The following KALRN variants were observed in gnomAD, a reference collection of about 807,000 sequenced individuals.
The protein encoded by KALRN is kalirin.
In KALRN, 70 loss-of-function variants were observed where a neutral mutation model predicts 353.7. The observed-to-expected ratio is 0.20, with a 90% CI of 0.16 to 0.24. The LOEUF (loss-of-function observed/expected upper bound fraction) is 0.24, where lower values mean the gene tolerates loss of function less well. KALRN is among the 10% of genes least tolerant of loss of function. KALRN has a pLI of 1.00. For synonymous variants in KALRN, 1,391 were observed against 1,434.8 expected, an observed-to-expected ratio of 0.97 and a Z score of 0.69; for missense variants, 2,791 against 3,756.7, an observed-to-expected ratio of 0.74 and a Z score of 6.72.
At chr3:124,272,157 G>A (rs1014113236) in intron 5 of KALRN, among the ~76,000 whole-genome samples, 5 of 152,046 alleles carry the variant, frequency 3.3e-5, no homozygotes, top group Middle Eastern at 3.2e-3. Flanking sequence ...TAAATTAAAC[G>A]TTAAAAATAA....
At chr3:124,391,700 A>T (rs1031810885) in intron 11 of KALRN, among the ~76,000 whole-genome samples, 1 of 152,214 alleles carries the variant, frequency 6.6e-6, no homozygotes, top group African/African-American at 2.4e-5. Flanking sequence ...ATTTCTATCT[A>T]CCTTATGGTG....
At chr3:124,494,862 CT>C (rs2063536546) in intron 32 of KALRN, among the ~76,000 whole-genome samples, 1 of 152,180 alleles carries the variant, frequency 6.6e-6, no homozygotes, top group South Asian at 2.1e-4. Context: ...TCCCTGTCCC[CT>C]GATGCCATTA....
chr3:124,328,499 G>A (rs766229460), intron 7 of KALRN, among the ~76,000 whole-genome samples: 14 of 152,192 alleles, frequency 9.2e-5, no homozygotes, highest in Non-Finnish European at 2.1e-4. Context: ...ACACAAGAAT[G>A]TCAAGTTGCT....
Position 124,722,469 on chromosome 3 carries a change from T to C in KALRN, c.*2999T>C, listed in dbSNP as rs2063370087. 1 of 152,152 alleles carries C rather than the reference T, an allele frequency of 6.6e-6. No individual in the cohort carries two copies. Among genetic ancestry groups the C allele is most frequent in the Non-Finnish European group, 1.5e-5 (1 of 68,036 alleles). The allele number at this position is 152,152 out of a possible 1,614,324, so 9.4% of individuals were successfully genotyped here. ...GAGAAAGGGGGTATATTTTATATAG[T>C]TTGATAACGGAGGGAAACTAACAGG... On this transcript the variant is annotated 3_prime_UTR_variant, in exon 60 of 60. Coordinates refer to ENST00000682506, the MANE Select transcript of KALRN (RefSeq NM_001388419.1).
chr3:124,164,287 T>C (rs1017715502), intron 1 of KALRN: 5 of 152,272 alleles, frequency 3.3e-5, no homozygotes, highest in African/African-American at 1.2e-4. Flanking sequence ...CATATTTTCC[T>C]GGCACACCTT....
intron 51 of KALRN, among the ~76,000 whole-genome samples, chr3:124,687,437 A>G (rs1351279413): frequency 6.6e-6 from 1 of 152,114 alleles, no homozygotes. Context: ...GCAACCAACT[A>G]TCTTGTGAGA....
chr3:124,175,165 C>T (rs2072488308), intron 1 of KALRN, among the ~76,000 whole-genome samples: 1 of 152,220 alleles, frequency 6.6e-6, no homozygotes, highest in Non-Finnish European at 1.5e-5. Flanking sequence ...TGCCACGTGC[C>T]CTGTGTTATG....
chr3:124,171,534 C>T (rs1312946960), intron 1 of KALRN, among the ~76,000 whole-genome samples: 1 of 152,158 alleles, frequency 6.6e-6, no homozygotes, highest in Non-Finnish European at 1.5e-5. Flanking sequence ...AGTCACACAG[C>T]ATCTCTTCTG....
At chr3:124,266,789 T>C (rs951169760) in intron 4 of KALRN, among the ~76,000 whole-genome samples, 2 of 152,218 alleles carry the variant, frequency 1.3e-5, no homozygotes, top group Non-Finnish European at 2.9e-5. Flanking sequence ...ATAAAAACAG[T>C]GACCTATTAT....
At chr3:124,068,455 A>G (rs1056288351) in intron 1 of KALRN, among the ~76,000 whole-genome samples, 1 of 152,216 alleles carries the variant, frequency 6.6e-6, no homozygotes, top group African/African-American at 2.4e-5. Flanking sequence ...CTACATTTCA[A>G]GTTCCTGGGA....
rs555114423 is a variant in KALRN at position 124,433,710 on chromosome 3, ACT to A, written c.2830-596_2830-595del. 3.3e-3 allele frequency among the ~76,000 whole-genome samples: 502 copies of A among 152,148 alleles called. 7 individuals are homozygous for A. The highest frequency in any genetic ancestry group is 0.012 in the African/African-American group (482 of 41,510). ...TGTATTGAAGTGAATTATCTCCTGCACTGTTATGCCCCCCAGTGAAGTAATTA... is the reference window on the plus strand; with the variant it reads ...TGTATTGAAGTGAATTATCTCCTGCAGTTATGCCCCCCAGTGAAGTAATTA... On this transcript the variant is annotated intron_variant, in intron 16 of 59. Coordinates refer to ENST00000682506, the MANE Select transcript of KALRN (RefSeq NM_001388419.1).
chr3:124,424,202 C>T lies in KALRN; in HGVS notation c.2709+1224C>T, dbSNP rs77807129. Among the ~76,000 whole-genome samples, 1,507 of 152,252 alleles carry T rather than the reference C, an allele frequency of 9.9e-3. 27 individuals are homozygous for T. The highest frequency in any genetic ancestry group is 0.034 in the African/African-American group (1,420 of 41,538). The stretch of plus-strand genomic sequence containing the variant: ...GTACCACATCACTCCTGTGGTTGCC[C>T]CTTTCTGCCCCACTCTACCCAAATC... On this transcript the variant is annotated intron_variant, in intron 15 of 59. Transcript: ENST00000682506.
At chr3:124,716,940 A>G (rs2063160192) in intron 58 of KALRN, among the ~76,000 whole-genome samples, 1 of 152,220 alleles carries the variant, frequency 6.6e-6, no homozygotes, top group Non-Finnish European at 1.5e-5. Context: ...TTAGCAATCA[A>G]ACCTCTTAAA....
chr3:124,702,174 A>G lies in KALRN; in HGVS notation c.8075+58A>G, dbSNP rs184818396. On this transcript the variant is annotated intron_variant, in intron 57 of 59. Transcript: ENST00000682506. ...GAACACCTAGCAACATCACATCAGA[A>G]CAGTAACTTTTTGTTGTTGTCATTG... 7.9e-5 allele frequency: 84 copies of G among 1,057,704 alleles called. 1 individual carries two copies. The African/African-American group carries it at 1.2e-3, about 15-fold the overall frequency. 65.5% of individuals were successfully genotyped at this position (1,057,704 alleles called of 1,614,324 possible). A position where few individuals can be genotyped will look rare whatever the true frequency, so the allele number is the denominator to read the frequency against.
At chr3:124,271,907 A>C (rs1397444474) in intron 5 of KALRN, among the ~76,000 whole-genome samples, 1 of 152,236 alleles carries the variant, frequency 6.6e-6, no homozygotes, top group African/African-American at 2.4e-5. Context: ...GAAAACAATT[A>C]CTTAAACACG....
At chr3:124,595,527 T>C (rs1410392032) in intron 34 of KALRN, among the ~76,000 whole-genome samples, 4 of 152,182 alleles carry the variant, frequency 2.6e-5, no homozygotes, top group Non-Finnish European at 5.9e-5. Context: ...AATCTCCCTA[T>C]TTTAGGTTAT....
intron 3 of KALRN, among the ~76,000 whole-genome samples, chr3:124,253,501 C>T (rs903055701): frequency 6.6e-6 from 1 of 152,198 alleles, no homozygotes; most frequent in Non-Finnish European, 1.5e-5. Context: ...GATAAGACTC[C>T]TCCCGATCAT....
intron 13 of KALRN, among the ~76,000 whole-genome samples, chr3:124,411,433 C>CTGCTTTTTTTTTT (rs2092141355): frequency 1.9e-5 from 1 of 51,480 alleles, no homozygotes; most frequent in Non-Finnish European, 3.8e-5. Flanking sequence ...TTAAATTATG[C>CTGCTTTTTTTTTT]TTTTTTTTTT....
At chr3:124,495,749 A>AG (rs1554006467) in intron 32 of KALRN, among the ~76,000 whole-genome samples, 49 of 147,234 alleles carry the variant, frequency 3.3e-4, no homozygotes, top group East Asian at 1.8e-3. Context: ...AAAAAAAAAA[A>AG]AAGAAGAAGA....
Sources: gnomAD v4.1 joint callset for allele counts (sites outside exome capture counted in the v4.1 genomes callset) on GRCh38, gnomAD v4.1.1 for gene constraint, MANE v1.5 for transcripts, NCBI Gene and HGNC (gene_info 2026-07-23, HGNC 2026-07-21) for gene names.